The following INPP5A variants were observed in gnomAD, a reference collection of about 807,000 sequenced individuals.
INPP5A encodes inositol polyphosphate-5-phosphatase A.
Under a neutral mutation model 65.2 loss-of-function variants are expected in INPP5A, and 14 were observed. That is an observed-to-expected ratio of 0.21 (90% CI 0.14 to 0.34). The LOEUF is 0.34. INPP5A is among the 10% of genes least tolerant of loss of function. The pLI is 1.00. For synonymous variants in INPP5A, 207 were observed against 208.3 expected, an observed-to-expected ratio of 0.99 and a Z score of 0.05; for missense variants, 431 against 545.6, an observed-to-expected ratio of 0.79 and a Z score of 2.09.
Position 132,782,592 on chromosome 10 carries a change from T to C in INPP5A, c.*563T>C, listed in dbSNP as rs762017253. On this transcript the variant is annotated 3_prime_UTR_variant, in exon 16 of 16. Transcript: ENST00000368594. The surrounding 1 kb of genome is among the most constrained non-coding windows in gnomAD (Gnocchi z 4.4). ...ATCACACTGCAGCTGCTTTCCATTT[T>C]TATATATATATAAATATATATAAAT... is the stretch of plus-strand genomic sequence containing the variant. The C allele has an allele frequency of 6.7e-6, 1 of 149,746 alleles. No homozygotes were observed. Among genetic ancestry groups the C allele is most frequent in the Non-Finnish European group, 1.5e-5 (1 of 67,590 alleles). The allele number at this position is 149,746 out of a possible 1,614,324, so 9.3% of individuals were successfully genotyped here. A position where few individuals can be genotyped will look rare whatever the true frequency, so the allele number is the denominator to read the frequency against.
intron 1 of INPP5A, among the ~76,000 whole-genome samples, chr10:132,601,323 C>T (rs770601380): frequency 6.6e-6 from 1 of 152,070 alleles, no homozygotes; most frequent in Non-Finnish European, 1.5e-5. Flanking sequence ...TGTTTAAGTC[C>T]TCTTCCTATT....
At chr10:132,672,376 G>C (rs914216440) in intron 4 of INPP5A, among the ~76,000 whole-genome samples, 3 of 152,184 alleles carry the variant, frequency 2.0e-5, no homozygotes, top group African/African-American at 7.2e-5. Context: ...ATCTCATCTT[G>C]AATTCCCACA....
intron 11 of INPP5A, among the ~76,000 whole-genome samples, chr10:132,754,789 C>G (rs1032950961): frequency 2.0e-5 from 3 of 152,250 alleles, no homozygotes; most frequent in Non-Finnish European, 4.4e-5. Flanking sequence ...CAGCCCCAGC[C>G]TGCTCCTTCT....
At chr10:132,548,792 C>CTTTT (rs71013535) in intron 1 of INPP5A, among the ~76,000 whole-genome samples, 46 of 79,304 alleles carry the variant, frequency 5.8e-4, no homozygotes, top group Non-Finnish European at 7.4e-4. Flanking sequence ...GTTTATCTGG[C>CTTTT]TTTTTTTTTT....
intron 12 of INPP5A, among the ~76,000 whole-genome samples, chr10:132,775,909 C>T (rs538641060): frequency 2.6e-5 from 4 of 152,260 alleles, no homozygotes; most frequent in South Asian, 2.1e-4. Context: ...AGAACTGGTT[C>T]GGTTCCAGCT....
Position 132,776,686 on chromosome 10 carries a change from C to T in INPP5A, c.978-985C>T, listed in dbSNP as rs373779296. Among the ~76,000 whole-genome samples, 32 of 152,286 alleles carry T rather than the reference C, an allele frequency of 2.1e-4. No individual in the cohort carries two copies. The East Asian group carries it at 2.3e-3, about 11-fold the overall frequency. ...GGGTTCGTTCACTCCAAGTGGAATT[C>T]GTTACCACTTCAGTGCAGTCCCAAG... On this transcript the variant is annotated intron_variant, in intron 12 of 15. Coordinates refer to ENST00000368594, the MANE Select transcript of INPP5A (RefSeq NM_005539.5).
rs540447921 is a variant in INPP5A, at chr10:132,771,675, C to T, written c.977+5829C>T. Reference sequence around the variant, plus strand: ...GCCGCCCCGCGAAGAGTGGGACAGACACTCAGCACTGACACAGAGGCCACG... The same window carrying T: ...GCCGCCCCGCGAAGAGTGGGACAGATACTCAGCACTGACACAGAGGCCACG... On this transcript the variant is annotated intron_variant, in intron 12 of 15. Coordinates refer to ENST00000368594, the MANE Select transcript of INPP5A (RefSeq NM_005539.5). Among the ~76,000 whole-genome samples the T allele has an allele frequency of 7.8e-5, 9 of 116,022 alleles. 1 individual carries two copies. The South Asian group carries it at 2.3e-3, about 30-fold the overall frequency. 76.1% of individuals were successfully genotyped at this position (116,022 alleles called of 152,430 possible).
chr10:132,592,237 A>G (rs1052365747), intron 1 of INPP5A, among the ~76,000 whole-genome samples: 1 of 152,236 alleles, frequency 6.6e-6, no homozygotes. Context: ...TGGTAAAGCT[A>G]CCTGAGAGAG....
chr10:132,588,455 A>G (rs1299958214), intron 1 of INPP5A, among the ~76,000 whole-genome samples: 4 of 152,218 alleles, frequency 2.6e-5, no homozygotes, highest in Non-Finnish European at 5.9e-5. Context: ...TTCCTTTTAC[A>G]AAACTATTTT....
chr10:132,619,706 T>C (rs1454245793), intron 2 of INPP5A, among the ~76,000 whole-genome samples: 2 of 152,248 alleles, frequency 1.3e-5, no homozygotes, highest in African/African-American at 4.8e-5. Flanking sequence ...TTACCCAGGC[T>C]GGAGTGCAAT....
intron 2 of INPP5A, among the ~76,000 whole-genome samples, chr10:132,611,376 G>T: frequency 7.0e-6 from 1 of 143,746 alleles, no homozygotes; most frequent in East Asian, 2.2e-4. Flanking sequence ...GGTGAGGGAG[G>T]TGAGGTGGGC....
chr10:132,684,930 G>C (rs1207090566), intron 4 of INPP5A, among the ~76,000 whole-genome samples: 1 of 152,180 alleles, frequency 6.6e-6, no homozygotes, highest in African/African-American at 2.4e-5. Context: ...CGTATGAGGG[G>C]AGTCATGTTT....
Position 132,550,615 on chromosome 10 carries a change from C to T in INPP5A, c.75+12444C>T, listed in dbSNP as rs189542279. On this transcript the variant is annotated intron_variant, in intron 1 of 15. Transcript: ENST00000368594. This position sits in a 1 kb window ranked among gnomAD's most constrained non-coding sequence, Gnocchi z 4.2. ...ACCTTCTGAATGCAAGTGGCCAAGCCGGCATTCTGGCTGGGCTCGCTGGCC... is the reference window on the plus strand; with the variant it reads ...ACCTTCTGAATGCAAGTGGCCAAGCTGGCATTCTGGCTGGGCTCGCTGGCC... Among the ~76,000 whole-genome samples the T allele has an allele frequency of 1.5e-4, 23 of 152,334 alleles. No homozygotes were observed. The highest frequency in any genetic ancestry group is 2.9e-4 in the Non-Finnish European group (20 of 68,028).
rs183502395 is a variant in INPP5A, at chr10:132,690,620, C to T, written c.370+165C>T. ...TCCAGGGGCCTCCTGGACCTGGACT[C>T]GAGGCCCCTTGGCTGTCCCACACTG... On this transcript the variant is annotated intron_variant, in intron 5 of 15. Transcript: ENST00000368594. Among the ~76,000 whole-genome samples the T allele has an allele frequency of 2.0e-5, 3 of 152,182 alleles. No individual in the cohort carries two copies. In the East Asian group the frequency reaches 5.8e-4, roughly 30 times the overall value.
At chr10:132,776,651 A>G (rs1336565845) in intron 12 of INPP5A, among the ~76,000 whole-genome samples, 1 of 152,218 alleles carries the variant, frequency 6.6e-6, no homozygotes, top group Non-Finnish European at 1.5e-5. Context: ...GCTCAGCCAC[A>G]GGACCCCCGG....
intron 4 of INPP5A, among the ~76,000 whole-genome samples, chr10:132,688,127 C>G (rs1182929477): frequency 6.6e-6 from 1 of 152,226 alleles, no homozygotes; most frequent in Non-Finnish European, 1.5e-5. Flanking sequence ...GGCATCAAAC[C>G]AGAGACGGCC....
chr10:132,635,863 C>G (rs2072342956), intron 2 of INPP5A, among the ~76,000 whole-genome samples: 1 of 150,886 alleles, frequency 6.6e-6, no homozygotes, highest in Non-Finnish European at 1.5e-5. Context: ...GTCCCAGCAT[C>G]AGGAGGCTGG....
At chr10:132,696,552 A>G (rs1486121164) in intron 5 of INPP5A, among the ~76,000 whole-genome samples, 3 of 152,220 alleles carry the variant, frequency 2.0e-5, no homozygotes, top group Admixed American at 1.3e-4. Flanking sequence ...CCTGCTACCA[A>G]TGAAAGAAGC....
rs751567543 is a variant in INPP5A, at chr10:132,555,766, C to T, written c.75+17595C>T. Among the ~76,000 whole-genome samples the T allele has an allele frequency of 6.6e-6, 1 of 152,220 alleles. No homozygotes were observed. The highest frequency in any genetic ancestry group is 1.5e-5 in the Non-Finnish European group (1 of 68,040). ...CACAACACTGACACACCTTGTCACA[C>T]TCTGCAGGGTGTTTTGTTGCCCTCA... On this transcript the variant is annotated intron_variant, in intron 1 of 15. Transcript: ENST00000368594. The surrounding 1 kb of genome is among the most constrained non-coding windows in gnomAD (Gnocchi z 4.4).
Sources: gnomAD v4.1 joint callset for allele counts (sites outside exome capture counted in the v4.1 genomes callset) on GRCh38, gnomAD v4.1.1 for gene constraint, Gnocchi (gnomAD v3.1) non-coding constraint, MANE v1.5 for transcripts, NCBI Gene and HGNC (gene_info 2026-07-23, HGNC 2026-07-21) for gene names.